The following UNC13C variants were observed in gnomAD, a reference collection of about 807,000 sequenced individuals.
The protein encoded by UNC13C is unc-13 homolog C, also known as protein unc-13 homolog C.
UNC13C carries 174 observed loss-of-function variants against 245.4 expected under a neutral mutation model. The ratio of observed to expected loss-of-function variants is 0.71; its 90% CI spans 0.63 to 0.80. The LOEUF (loss-of-function observed/expected upper bound fraction) is 0.80. UNC13C is among the 30% of genes least tolerant of loss of function. The probability of loss-of-function intolerance (pLI) is 0.00; values close to 1 mark genes in which losing one functional copy is unlikely to be tolerated. For missense variants in UNC13C, 2,829 were observed against 2,602.9 expected (o/e 1.09, Z -1.89); for synonymous variants, 992 against 895.1 (o/e 1.11, Z -1.93).
intron 30 of UNC13C, among the ~76,000 whole-genome samples, chr15:54,590,606 C>T (rs999341121): frequency 5.9e-5 from 9 of 152,060 alleles, no homozygotes; most frequent in Admixed American, 1.3e-4. Flanking sequence ...TTGCTGTTGG[C>T]GTATAGAAGA....
chr15:54,056,035 C>CA (rs200743762), intron 2 of UNC13C, among the ~76,000 whole-genome samples: 4 of 152,010 alleles, frequency 2.6e-5, no homozygotes, highest in Non-Finnish European at 5.9e-5. Context: ...TGAGTACAAG[C>CA]AAAAAAATGT....
the UNC13C span, among the ~76,000 whole-genome samples, chr15:53,901,953 A>G: frequency 1.5e-4 from 23 of 152,268 alleles, no homozygotes; most frequent in African/African-American, 4.8e-4. Context: ...CTCTATCTAC[A>G]AAATTAAGTT....
chr15:54,335,540 C>CTA (rs2038551147), intron 16 of UNC13C, among the ~76,000 whole-genome samples: 1 of 152,118 alleles, frequency 6.6e-6, no homozygotes, highest in Admixed American at 6.6e-5. Context: ...TTCCCTTGTG[C>CTA]TATACCATTG....
chr15:54,148,694 C>G (rs1039403525), intron 4 of UNC13C, among the ~76,000 whole-genome samples: 1 of 152,164 alleles, frequency 6.6e-6, no homozygotes. Context: ...TTCTTCCTAT[C>G]AAGTCCACTA....
At chr15:53,965,535 T>G in the UNC13C span, among the ~76,000 whole-genome samples, 2 of 136,502 alleles carry the variant, frequency 1.5e-5, no homozygotes, top group South Asian at 4.4e-4. Flanking sequence ...TTTCTTTTTT[T>G]TCCCTTATTT....
At position 54,172,751 on chromosome 15, in the gene UNC13C, T is replaced by A. The variant is rs1454008783; in HGVS notation, c.3071+29067T>A. Among the ~76,000 whole-genome samples the A allele has an allele frequency of 1.5e-4, 14 of 96,210 alleles. 2 individuals carry two copies. The highest frequency in any genetic ancestry group is 5.6e-4 in the African/African-American group (14 of 24,820). The allele number at this position is 96,210 out of a possible 152,430, so 63.1% of individuals were successfully genotyped here. ...ATATATATATATATATATATATATA[T>A]ATATATATATCTTTACTCTATAGGT... On this transcript the variant is annotated intron_variant, in intron 4 of 32. Coordinates refer to ENST00000260323, the MANE Select transcript of UNC13C (RefSeq NM_001080534.3).
intron 4 of UNC13C, among the ~76,000 whole-genome samples, chr15:54,180,811 G>C (rs12593171): frequency 2.0e-5 from 3 of 151,666 alleles, no homozygotes; most frequent in Non-Finnish European, 4.4e-5. Context: ...TGGTCTGCTC[G>C]TATCTTTGGT....
intron 28 of UNC13C, among the ~76,000 whole-genome samples, chr15:54,553,013 T>G: frequency 9.7e-6 from 1 of 102,784 alleles, no homozygotes; most frequent in Non-Finnish European, 1.8e-5. Context: ...TAATATATAT[T>G]GTATTCTATA....
chr15:54,519,677 T>C (rs1174956138), intron 24 of UNC13C, among the ~76,000 whole-genome samples: 1 of 152,190 alleles, frequency 6.6e-6, no homozygotes, highest in Non-Finnish European at 1.5e-5. Context: ...AGTTTCTCCT[T>C]AAGAGGCATT....
At chr15:53,986,576 A>T (rs12439591) in intron 1 of UNC13C, among the ~76,000 whole-genome samples, 18,975 of 152,066 alleles carry the variant, frequency 0.12, 1,502 homozygotes, top group East Asian at 0.28. Flanking sequence ...AAAATTCCAA[A>T]TTTAATTAAG....
intron 4 of UNC13C, among the ~76,000 whole-genome samples, chr15:54,162,039 G>A (rs1391385253): frequency 6.6e-6 from 1 of 152,164 alleles, no homozygotes; most frequent in Admixed American, 6.5e-5. Flanking sequence ...TGGTCATCCA[G>A]CATTCTTATT....
At chr15:54,420,090 A>T (rs1193371570) in intron 19 of UNC13C, among the ~76,000 whole-genome samples, 2 of 152,142 alleles carry the variant, frequency 1.3e-5, no homozygotes. Flanking sequence ...GCACCAAAAT[A>T]GTAAAAGAGA....
intron 16 of UNC13C, 48 bp from the exon 17 acceptor site, chr15:54,338,313 C>G (rs375377904): frequency 1.3e-6 from 2 of 1,583,640 alleles, no homozygotes; most frequent in South Asian, 2.3e-5. Context: ...TACTAGATTA[C>G]AATGTGTCAC....
chr15:54,095,333 G>A (rs1281732053), intron 2 of UNC13C, among the ~76,000 whole-genome samples: 1 of 152,170 alleles, frequency 6.6e-6, no homozygotes, highest in Non-Finnish European at 1.5e-5. Context: ...TTGTAGTGGG[G>A]TAAGCAGGAC....
chr15:54,617,462 T>C (rs993358296), intron 30 of UNC13C, among the ~76,000 whole-genome samples: 5 of 152,020 alleles, frequency 3.3e-5, no homozygotes, highest in African/African-American at 9.7e-5. Context: ...AAATCTCAGC[T>C]TTGCTCTTTA....
intron 4 of UNC13C, among the ~76,000 whole-genome samples, chr15:54,155,322 G>A (rs2032695982): frequency 6.6e-6 from 1 of 152,096 alleles, no homozygotes; most frequent in Non-Finnish European, 1.5e-5. Context: ...AAGAATAAGT[G>A]GAAGCATGCA....
At chr15:54,615,363 T>C (rs1233119363) in intron 30 of UNC13C, among the ~76,000 whole-genome samples, 1 of 152,042 alleles carries the variant, frequency 6.6e-6, no homozygotes, top group Non-Finnish European at 1.5e-5. Flanking sequence ...GCTGTGGGGA[T>C]GCATAGTCCC....
chr15:53,987,732 C>A (rs117126432), intron 1 of UNC13C, among the ~76,000 whole-genome samples: 1 of 152,016 alleles, frequency 6.6e-6, no homozygotes, highest in Non-Finnish European at 1.5e-5. Context: ...ACACAAAATT[C>A]AGTGTAGCAA....
intron 19 of UNC13C, among the ~76,000 whole-genome samples, chr15:54,471,220 G>A (rs926691571): frequency 6.6e-6 from 1 of 151,382 alleles, no homozygotes; most frequent in Admixed American, 6.6e-5. Context: ...TGTTATGTCT[G>A]TTATAGTTCA....
Sources: allele counts gnomAD v4.1 joint callset (sites outside exome capture counted in the v4.1 genomes callset), GRCh38; gene constraint gnomAD v4.1.1; transcripts MANE v1.5; gene names NCBI Gene and HGNC (gene_info 2026-07-23, HGNC 2026-07-21).